The following FANCD2OS variants were observed in gnomAD, a reference collection of about 807,000 sequenced individuals.
FANCD2OS encodes the protein FANCD2 opposite strand.
Under a neutral mutation model 13.2 loss-of-function variants are expected in FANCD2OS, and 11 were observed. The ratio of observed to expected loss-of-function variants is 0.83; its 90% CI spans 0.52 to 1.38. FANCD2OS has a LOEUF of 1.38. Among genes scored for constraint, FANCD2OS ranks in the 40% most tolerant of loss-of-function variants. The pLI is 0.00. For synonymous variants in FANCD2OS, 69 were observed against 84.5 expected (o/e 0.82, Z 1.01); for missense variants, 217 against 213.9 (o/e 1.01, Z -0.09).
chr3:10,088,866 T>C (rs1371212635), intron 2 of FANCD2OS: 2 of 1,613,950 alleles, frequency 1.2e-6, no homozygotes, highest in African/African-American at 1.3e-5. Flanking sequence ...CTGAAGGCCA[T>C]AGAGGAGATT....
intron 2 of FANCD2OS, chr3:10,092,190 G>C: frequency 6.2e-7 from 1 of 1,613,882 alleles, no homozygotes; most frequent in Non-Finnish European, 8.5e-7. Flanking sequence ...GATTCATGAA[G>C]AGAAACTCCT....
At chr3:10,105,820 ATT>A (rs1234979336) in intron 1 of FANCD2OS, among the ~76,000 whole-genome samples, 3 of 72,468 alleles carry the variant, frequency 4.1e-5, no homozygotes, top group African/African-American at 1.1e-4. Flanking sequence ...ATATATATAT[ATT>A]TTGAGGTTCG....
intron 2 of FANCD2OS, among the ~76,000 whole-genome samples, chr3:10,089,820 A>C (rs962468976): frequency 1.3e-5 from 2 of 152,186 alleles, no homozygotes; most frequent in African/African-American, 4.8e-5. Flanking sequence ...GTCTCACTTA[A>C]TGGGTGTGTG....
chr3:10,102,207 G>A (rs954492774), downstream of FANCD2OS, among the ~76,000 whole-genome samples: 10 of 146,338 alleles, frequency 6.8e-5, no homozygotes, highest in Non-Finnish European at 3.0e-5. Context: ...GCAGTGGCAC[G>A]ATCTCAGCTC....
chr3:10,107,348 C>T (rs1695525546), intron 1 of FANCD2OS, among the ~76,000 whole-genome samples: 2 of 151,878 alleles, frequency 1.3e-5, no homozygotes, highest in South Asian at 2.1e-4. Context: ...AGTGCAGTGG[C>T]GCGATCTCCG....
At position 10,094,300 on chromosome 3, in the gene FANCD2OS, CTT is replaced by C. The variant is rs1694823880; in HGVS notation, c.*43+9896_*43+9897del. ...TCTCTCTTCTTCAGTATGGGCGTCT[CTT>C]TGTGGAAGCATTTCTGAAGCAATGT... On this transcript the variant is annotated intron_variant, in intron 2 of 2. Transcript: ENST00000524279. 1 of 1,613,902 alleles carries C rather than the reference CTT, an allele frequency of 6.2e-7. No individual in the cohort carries two copies. The highest frequency in any genetic ancestry group is 1.1e-5 in the South Asian group (1 of 91,080).
intron 1 of FANCD2OS, among the ~76,000 whole-genome samples, chr3:10,106,390 G>A (rs1242693410): frequency 6.6e-6 from 1 of 152,138 alleles, no homozygotes; most frequent in African/African-American, 2.4e-5. Context: ...AACATTGCCA[G>A]TATATAAGAA....
At chr3:10,093,750 T>C (rs996763161) in intron 2 of FANCD2OS, among the ~76,000 whole-genome samples, 4 of 152,178 alleles carry the variant, frequency 2.6e-5, no homozygotes, top group Admixed American at 6.6e-5. Context: ...CTAGATTTGA[T>C]GGGAAGTCCA....
At chr3:10,086,627 G>T (rs192333403) in intron 2 of FANCD2OS, among the ~76,000 whole-genome samples, 62 of 152,082 alleles carry the variant, frequency 4.1e-4, no homozygotes, top group African/African-American at 1.2e-3. Flanking sequence ...GATTACAGGC[G>T]CATGCTGACA....
At chr3:10,091,703 A>G (rs1694621090) in intron 2 of FANCD2OS, among the ~76,000 whole-genome samples, 1 of 151,962 alleles carries the variant, frequency 6.6e-6, no homozygotes, top group African/African-American at 2.4e-5. Flanking sequence ...AAATTAAACT[A>G]GGAACTCTTT....
chr3:10,099,096 T>A, downstream of FANCD2OS: 1 of 1,525,220 alleles, frequency 6.6e-7, no homozygotes, highest in Non-Finnish European at 8.8e-7. Flanking sequence ...TGAATTCATA[T>A]CTGAAACCAT....
intron 2 of FANCD2OS, among the ~76,000 whole-genome samples, chr3:10,090,003 A>G (rs906854943): frequency 2.0e-5 from 3 of 152,230 alleles, no homozygotes; most frequent in African/African-American, 7.2e-5. Flanking sequence ...ACGTGCAATA[A>G]AATAAACATA....
rs1365607242 is a variant in FANCD2OS at position 10,105,767 on chromosome 3, AAAAATT to A, written c.-8-991_-8-986del. The stretch of plus-strand genomic sequence containing the variant: ...CTCCATCTAAAAAAAAAAAAAAAAA[AAAAATT>A]ATATATATATATATATATATATATA... On this transcript the variant is annotated intron_variant, in intron 1 of 1. Coordinates refer to ENST00000450660, the MANE Select transcript of FANCD2OS (RefSeq NM_001164839.2). Among the ~76,000 whole-genome samples, 8 of 53,422 alleles carry A rather than the reference AAAAATT, an allele frequency of 1.5e-4. 1 individual carries two copies. Among genetic ancestry groups the A allele is most frequent in the African/African-American group, 8.7e-4 (4 of 4,582 alleles). 35.0% of individuals were successfully genotyped at this position (53,422 alleles called of 152,430 possible).
intron 2 of FANCD2OS, among the ~76,000 whole-genome samples, chr3:10,082,544 T>C (rs1693908287): frequency 1.3e-5 from 2 of 152,204 alleles, no homozygotes; most frequent in Non-Finnish European, 2.9e-5. Flanking sequence ...ATTCCACTTA[T>C]TATGTTATAC....
chr3:10,092,081 C>G (rs1694645585), intron 2 of FANCD2OS: 1 of 896,440 alleles, frequency 1.1e-6, no homozygotes, highest in South Asian at 1.3e-5. Context: ...GCTTAAATAT[C>G]TGTATAGCTA....
In FANCD2OS at chr3:10,105,764, AAAAAAAATT is replaced by A. The variant is rs1285797539; in HGVS notation, c.-8-991_-8-983del. On this transcript the variant is annotated intron_variant, in intron 1 of 1. Transcript: ENST00000450660. ...AGACTCCATCTAAAAAAAAAAAAAA[AAAAAAAATT>A]ATATATATATATATATATATATATA... Among the ~76,000 whole-genome samples, 62 of 67,066 alleles carry A rather than the reference AAAAAAAATT, an allele frequency of 9.2e-4. 4 individuals are homozygous for A. The highest frequency in any genetic ancestry group is 6.2e-3 in the African/African-American group (59 of 9,592). 44.0% of individuals were successfully genotyped at this position (67,066 alleles called of 152,430 possible). A position where few individuals can be genotyped will look rare whatever the true frequency, so the allele number is the denominator to read the frequency against.
intron 2 of FANCD2OS, chr3:10,090,468 T>C: frequency 1.1e-6 from 1 of 917,438 alleles, no homozygotes. Flanking sequence ...TTTTTTTTTT[T>C]TTTCTGAGAC....
chr3:10,088,386 C>G (rs1694364798), intron 2 of FANCD2OS: 1 of 1,013,286 alleles, frequency 9.9e-7, no homozygotes, highest in African/African-American at 1.6e-5. Context: ...CCTCAAAAAC[C>G]TGAAAAGCAA....
downstream of FANCD2OS, among the ~76,000 whole-genome samples, chr3:10,100,940 A>G (rs535354465): frequency 3.3e-5 from 5 of 152,164 alleles, no homozygotes; most frequent in South Asian, 1.0e-3. Flanking sequence ...GTGGTGGCAC[A>G]TGCCTGTAAT....
Sources: allele counts gnomAD v4.1 joint callset (sites outside exome capture counted in the v4.1 genomes callset), GRCh38; gene constraint gnomAD v4.1.1; transcripts MANE v1.5; gene names NCBI Gene and HGNC (gene_info 2026-07-23, HGNC 2026-07-21).